Variants in LRRTM4 observed in about 807,000 individuals in gnomAD.
LRRTM4 encodes the protein leucine-rich repeat transmembrane neuronal protein 4.
A neutral mutation model predicts 47.6 loss-of-function variants in LRRTM4; 25 were observed. The observed-to-expected ratio is 0.53, with a 90% confidence interval of 0.38 to 0.73. The LOEUF is 0.73. LRRTM4 is among the 30% of genes least tolerant of loss of function. LRRTM4 has a pLI of 0.00. For missense variants in LRRTM4, 638 were observed against 713.4 expected, an observed-to-expected ratio of 0.89 and a Z score of 1.20; for synonymous variants, 311 against 269.5, an observed-to-expected ratio of 1.15 and a Z score of -1.51.
chr2:77,469,816 C>G (rs1371378525), intron 3 of LRRTM4, among the ~76,000 whole-genome samples: 1 of 152,054 alleles, frequency 6.6e-6, no homozygotes, highest in East Asian at 1.9e-4. Context: ...GGGAAACCTT[C>G]TTCTTCTATA....
intron 3 of LRRTM4, among the ~76,000 whole-genome samples, chr2:77,014,950 C>G (rs1020595481): frequency 6.6e-6 from 1 of 151,922 alleles, no homozygotes; most frequent in African/African-American, 2.4e-5. Flanking sequence ...ACTTGGCTAG[C>G]CTACTGTCTT....
rs369650971 is a variant in LRRTM4, at chr2:77,307,057, G to T, written c.1551+211261C>A. Reference sequence around the variant, plus strand: ...TGGGACTACAGGCGCCCACCACCACGCCCGGCTAATTTTTTGTATTGTTTA... The same window carrying T: ...TGGGACTACAGGCGCCCACCACCACTCCCGGCTAATTTTTTGTATTGTTTA... On this transcript the variant is annotated intron_variant, in intron 3 of 3. Coordinates refer to ENST00000409884, the MANE Select transcript of LRRTM4 (RefSeq NM_001134745.3). Among the ~76,000 whole-genome samples the T allele has an allele frequency of 5.7e-3, 860 of 150,928 alleles. 6 individuals are homozygous for T. The highest frequency in any genetic ancestry group is 0.02 in the African/African-American group (814 of 40,592).
chr2:77,052,720 G>C (rs1180619674), intron 3 of LRRTM4, among the ~76,000 whole-genome samples: 1 of 148,216 alleles, frequency 6.7e-6, no homozygotes, highest in African/African-American at 2.6e-5. Flanking sequence ...GTGTGCGTAG[G>C]GGTGTGTGTG....
At chr2:77,145,060 T>C (rs925699258) in intron 3 of LRRTM4, among the ~76,000 whole-genome samples, 3 of 152,100 alleles carry the variant, frequency 2.0e-5, no homozygotes, top group Non-Finnish European at 4.4e-5. Flanking sequence ...CAAGTTAAAA[T>C]GTATTAAATT....
rs572043364 is a variant in LRRTM4, at chr2:77,511,180, C to T, written c.1551+7138G>A. 9.9e-5 allele frequency among the ~76,000 whole-genome samples: 15 copies of T among 152,142 alleles called. No individual in the cohort carries two copies. In the South Asian group the frequency reaches 3.1e-3, roughly 32 times the overall value. On this transcript the variant is annotated intron_variant, in intron 3 of 3. Coordinates refer to ENST00000409884, the MANE Select transcript of LRRTM4 (RefSeq NM_001134745.3). Reference sequence around the variant, plus strand: ...GAAATTAAAAAAATTACTTTTCTGTCATTAAATTCCTTTTCATGTATCTTC... The same window carrying T: ...GAAATTAAAAAAATTACTTTTCTGTTATTAAATTCCTTTTCATGTATCTTC...
In LRRTM4 at chr2:76,807,471, C is replaced by CATAT. The variant is rs1553412706; in HGVS notation, c.1552-58559_1552-58556dup. 2.9e-3 allele frequency among the ~76,000 whole-genome samples: 281 copies of CATAT among 97,434 alleles called. 3 individuals carry two copies. Among genetic ancestry groups the CATAT allele is most frequent in the African/African-American group, 0.012 (224 of 18,372 alleles). 63.9% of individuals were successfully genotyped at this position (97,434 alleles called of 152,430 possible). A position where few individuals can be genotyped will look rare whatever the true frequency, so the allele number is the denominator to read the frequency against. On this transcript the variant is annotated intron_variant, in intron 3 of 3. Coordinates refer to ENST00000409884, the MANE Select transcript of LRRTM4 (RefSeq NM_001134745.3). ...ATATATATATATACATATATATATA[C>CATAT]ATATATATATATATACATATATATA...
intron 3 of LRRTM4, among the ~76,000 whole-genome samples, chr2:77,111,979 GT>G (rs752964445): frequency 3.3e-5 from 5 of 152,182 alleles, no homozygotes; most frequent in Admixed American, 6.5e-5. Context: ...ACTGGGGGTT[GT>G]GAAAAGTAGC....
chr2:77,041,956 T>G (rs893662269), intron 3 of LRRTM4, among the ~76,000 whole-genome samples: 4 of 151,198 alleles, frequency 2.6e-5, no homozygotes, highest in Admixed American at 6.6e-5. Flanking sequence ...ACTTTCTTTA[T>G]GCTCATATTG....
At chr2:77,155,489 G>A (rs1422610169) in intron 3 of LRRTM4, among the ~76,000 whole-genome samples, 1 of 151,630 alleles carries the variant, frequency 6.6e-6, no homozygotes, top group Non-Finnish European at 1.5e-5. Context: ...AACATTTTCA[G>A]AAAATACAAA....
intron 3 of LRRTM4, among the ~76,000 whole-genome samples, chr2:77,030,579 G>A (rs191618418): frequency 4.6e-5 from 7 of 152,092 alleles, no homozygotes; most frequent in East Asian, 3.9e-4. Flanking sequence ...ATTTATAGAG[G>A]ATGAAAAAGG....
intron 3 of LRRTM4, among the ~76,000 whole-genome samples, chr2:77,326,625 G>T (rs983984564): frequency 3.3e-5 from 5 of 152,002 alleles, no homozygotes; most frequent in African/African-American, 9.7e-5. Context: ...TGAACTCCCG[G>T]CCTCAAGCAA....
chr2:76,752,393 A>G (rs1672880220), intron 3 of LRRTM4, among the ~76,000 whole-genome samples: 1 of 152,162 alleles, frequency 6.6e-6, no homozygotes, highest in Non-Finnish European at 1.5e-5. Context: ...TACATATTAC[A>G]CCATTTCTGA....
intron 3 of LRRTM4, among the ~76,000 whole-genome samples, chr2:76,833,136 A>C (rs962314611): frequency 2.0e-5 from 3 of 152,138 alleles, no homozygotes; most frequent in Non-Finnish European, 2.9e-5. Flanking sequence ...TTATGGTTGG[A>C]AATACAGGTT....
intron 3 of LRRTM4, among the ~76,000 whole-genome samples, chr2:77,307,603 A>G (rs1677320512): frequency 9.3e-6 from 1 of 107,986 alleles, no homozygotes; most frequent in Non-Finnish European, 1.7e-5. Context: ...ATATAAATAT[A>G]TAGATATATC....
chr2:76,857,976 C>A (rs1672203654), intron 3 of LRRTM4, among the ~76,000 whole-genome samples: 1 of 152,096 alleles, frequency 6.6e-6, no homozygotes, highest in South Asian at 2.1e-4. Context: ...CAATTCTTGT[C>A]ACTATTAGCA....
At chr2:76,983,355 C>T (rs2103971205) in intron 3 of LRRTM4, among the ~76,000 whole-genome samples, 1 of 152,110 alleles carries the variant, frequency 6.6e-6, no homozygotes, top group South Asian at 2.1e-4. Context: ...GTAATAATCC[C>T]CAGGTGTCAA....
chr2:76,979,299 TCTGC>T (rs1244679365), intron 3 of LRRTM4, among the ~76,000 whole-genome samples: 1 of 151,986 alleles, frequency 6.6e-6, no homozygotes, highest in Non-Finnish European at 1.5e-5. Flanking sequence ...TCACCTCACT[TCTGC>T]CTGCAGATTG....
chr2:77,364,318 A>G lies in LRRTM4; in HGVS notation c.1551+154000T>C, dbSNP rs138190844. On this transcript the variant is annotated intron_variant, in intron 3 of 3. Transcript: ENST00000409884. ...ATTGAGTCTTCAAAATAAATGCTGT[A>G]TATAAGGGCTGTATTTGGAGAAAGC... 4.0e-3 allele frequency among the ~76,000 whole-genome samples: 603 copies of G among 152,236 alleles called. 1 individual carries two copies. The highest frequency in any genetic ancestry group is 6.8e-3 in the Non-Finnish European group (463 of 68,022).
chr2:77,188,930 A>G (rs1164619406), intron 3 of LRRTM4, among the ~76,000 whole-genome samples: 1 of 152,132 alleles, frequency 6.6e-6, no homozygotes. Context: ...CACCACTACC[A>G]GCTTCTCTAT....
Sources: allele counts gnomAD v4.1 joint callset (sites outside exome capture counted in the v4.1 genomes callset), GRCh38; gene constraint gnomAD v4.1.1; transcripts MANE v1.5; gene names NCBI Gene and HGNC (gene_info 2026-07-23, HGNC 2026-07-21).